The following PAPSS1 variants were observed in gnomAD, a reference collection of about 807,000 sequenced individuals.
PAPSS1 encodes 3'-phosphoadenosine 5'-phosphosulfate synthase 1.
Under a neutral mutation model 72.0 loss-of-function variants are expected in PAPSS1, and 50 were observed. That is an observed-to-expected ratio of 0.69 (90% CI 0.55 to 0.88). The LOEUF is 0.88. Among genes scored for constraint, PAPSS1 ranks in the 40% least tolerant of loss-of-function variants. The probability of loss-of-function intolerance (pLI) is 0.00; values close to 1 mark genes in which losing one functional copy is unlikely to be tolerated. For synonymous variants in PAPSS1, 261 were observed against 263.6 expected, an observed-to-expected ratio of 0.99 and a Z score of 0.09; for missense variants, 657 against 782.2, an observed-to-expected ratio of 0.84 and a Z score of 1.91.
intron 3 of PAPSS1, among the ~76,000 whole-genome samples, chr4:107,690,747 C>T (rs1022154751): frequency 3.3e-5 from 5 of 152,038 alleles, no homozygotes; most frequent in Non-Finnish European, 7.4e-5. Flanking sequence ...AAACATAGTC[C>T]AAACCTCATT....
At chr4:107,705,063 C>T (rs1346506350) in intron 1 of PAPSS1, among the ~76,000 whole-genome samples, 1 of 152,144 alleles carries the variant, frequency 6.6e-6, no homozygotes, top group Non-Finnish European at 1.5e-5. Context: ...CAGTTTGCTA[C>T]TATGTGTTCA....
chr4:107,630,125 C>T (rs1435596815), intron 11 of PAPSS1, among the ~76,000 whole-genome samples: 1 of 152,228 alleles, frequency 6.6e-6, no homozygotes, highest in Non-Finnish European at 1.5e-5. Context: ...GTCTCCAGAT[C>T]TCCAGATACC....
rs1057271916 is a variant in PAPSS1 at position 107,634,614 on chromosome 4, A to G, written c.1507-2754T>C. Among the ~76,000 whole-genome samples, 24 of 152,264 alleles carry G rather than the reference A, an allele frequency of 1.6e-4. 1 individual carries two copies. The South Asian group carries it at 4.8e-3, about 30-fold the overall frequency. On this transcript the variant is annotated intron_variant, in intron 10 of 11. Transcript: ENST00000265174. ...AACCCAAAGAAATACATTTCTTAAA[A>G]TGTAGCTCATATTTTACCTAATTTG...
intron 1 of PAPSS1, among the ~76,000 whole-genome samples, chr4:107,704,951 C>CA (rs60816460): frequency 0.83 from 121,520 of 146,948 alleles, 51,603 homozygotes; most frequent in South Asian, 0.95. Context: ...AACTCCACCT[C>CA]AAAAAAAAAA....
intron 11 of PAPSS1, among the ~76,000 whole-genome samples, chr4:107,617,113 G>T (rs182992157): frequency 6.6e-4 from 100 of 152,098 alleles, no homozygotes; most frequent in African/African-American, 1.8e-3. Context: ...TAGTGATCTA[G>T]GTGGTATATC....
chr4:107,704,541 G>A (rs72885258), intron 1 of PAPSS1, among the ~76,000 whole-genome samples: 1,551 of 152,236 alleles, frequency 0.01, 37 homozygotes, highest in African/African-American at 0.034. Context: ...CTAATTTGTT[G>A]AGAGTTTTTA....
intron 10 of PAPSS1, among the ~76,000 whole-genome samples, chr4:107,639,014 G>A (rs1307468109): frequency 6.6e-6 from 1 of 152,188 alleles, no homozygotes; most frequent in African/African-American, 2.4e-5. Context: ...TACTGACGCT[G>A]TGTCAAGGAC....
At chr4:107,698,691 T>C (rs1033020040) in intron 2 of PAPSS1, among the ~76,000 whole-genome samples, 2 of 152,112 alleles carry the variant, frequency 1.3e-5, no homozygotes, top group African/African-American at 4.8e-5. Flanking sequence ...TAAGGCTCAG[T>C]GTGGACAAGT....
intron 9 of PAPSS1, among the ~76,000 whole-genome samples, chr4:107,646,314 CACACACACACACAT>C (rs1560571045): frequency 5.0e-5 from 5 of 99,146 alleles, no homozygotes; most frequent in Middle Eastern, 5.7e-3. Flanking sequence ...TATATATACA[CACACACACACACAT>C]ACACACACAT....
intron 11 of PAPSS1, among the ~76,000 whole-genome samples, chr4:107,627,315 C>T (rs904273564): frequency 1.3e-5 from 2 of 152,188 alleles, no homozygotes; most frequent in East Asian, 1.9e-4. Context: ...ATTTCCCTCT[C>T]CTTGCTCTCC....
intron 5 of PAPSS1, among the ~76,000 whole-genome samples, 156 bp downstream of exon 5, chr4:107,681,859 C>T (rs1476096218): frequency 1.3e-5 from 2 of 152,282 alleles, no homozygotes; most frequent in East Asian, 3.9e-4. Flanking sequence ...CAACACCTCA[C>T]ACACTGACAT....
intron 5 of PAPSS1, among the ~76,000 whole-genome samples, chr4:107,673,756 A>G (rs1727561060): frequency 2.0e-5 from 3 of 152,148 alleles, no homozygotes; most frequent in Admixed American, 2.0e-4. Context: ...CAGATTCACC[A>G]AAGTTGAAAT....
intron 1 of PAPSS1, among the ~76,000 whole-genome samples, chr4:107,719,043 A>G (rs1351675242): frequency 6.6e-6 from 1 of 152,226 alleles, no homozygotes; most frequent in Non-Finnish European, 1.5e-5. Flanking sequence ...CACTGTTCTA[A>G]TTCATCTTTT....
At chr4:107,673,586 T>C (rs112617252) in intron 5 of PAPSS1, among the ~76,000 whole-genome samples, 1,723 of 152,104 alleles carry the variant, frequency 0.011, 36 homozygotes, top group African/African-American at 0.036. Flanking sequence ...CTACTTCTGA[T>C]TGGTGTAGCT....
chr4:107,660,103 T>C, intron 5 of PAPSS1, 31 bp from the exon 6 acceptor site: 2 of 1,129,670 alleles, frequency 1.8e-6, no homozygotes, highest in Non-Finnish European at 2.6e-6. Flanking sequence ...AATTTAAATG[T>C]TTGATTCAAG....
intron 10 of PAPSS1, among the ~76,000 whole-genome samples, chr4:107,640,200 AC>A (rs2110308477): frequency 6.6e-6 from 1 of 152,330 alleles, no homozygotes; most frequent in African/African-American, 2.4e-5. Context: ...GTCAATTAAT[AC>A]CTCACAAAGA....
intron 10 of PAPSS1, among the ~76,000 whole-genome samples, chr4:107,641,279 T>C (rs1330082526): frequency 6.6e-6 from 1 of 152,232 alleles, no homozygotes; most frequent in Non-Finnish European, 1.5e-5. Flanking sequence ...GATCCTGGCC[T>C]GCCTTCAGCA....
chr4:107,709,963 C>T (rs1016320458), intron 1 of PAPSS1, among the ~76,000 whole-genome samples: 2 of 152,204 alleles, frequency 1.3e-5, no homozygotes, highest in East Asian at 1.9e-4. Flanking sequence ...GCAAAATGAA[C>T]GCATTGGGTG....
At chr4:107,643,725 A>AT (rs966405251) in intron 10 of PAPSS1, among the ~76,000 whole-genome samples, 4 of 152,064 alleles carry the variant, frequency 2.6e-5, no homozygotes, top group Admixed American at 6.5e-5. Flanking sequence ...ATGATAAAAA[A>AT]TTTTTTTTAA....
Sources: gnomAD v4.1 joint callset for allele counts (sites outside exome capture counted in the v4.1 genomes callset) on GRCh38, gnomAD v4.1.1 for gene constraint, MANE v1.5 for transcripts, NCBI Gene and HGNC (gene_info 2026-07-23, HGNC 2026-07-21) for gene names.